Variants in ZNF382 observed in about 807,000 individuals in gnomAD.
The protein encoded by ZNF382 is KRAB/zinc finger suppressor protein 1.
Under a neutral mutation model 38.8 loss-of-function variants are expected in ZNF382, and 20 were observed. The ratio of observed to expected loss-of-function variants is 0.51; its 90% confidence interval spans 0.36 to 0.75. The LOEUF (loss-of-function observed/expected upper bound fraction) is 0.75. Ranked by LOEUF, ZNF382 falls within the 30% of genes least tolerant of loss-of-function variation. ZNF382 has a pLI of 0.00. For synonymous variants in ZNF382, 202 were observed against 223.1 expected, an observed-to-expected ratio of 0.91 and a Z score of 0.84; for missense variants, 546 against 654.1, an observed-to-expected ratio of 0.83 and a Z score of 1.80.
At chr19:36,612,647 T>G (rs2037087476) in intron 4 of ZNF382, among the ~76,000 whole-genome samples, 1 of 152,204 alleles carries the variant, frequency 6.6e-6, no homozygotes, top group Non-Finnish European at 1.5e-5. Context: ...TTTTGTCCAT[T>G]CTGGTCATTT....
chr19:36,609,687 A>C, intron 2 of ZNF382: 1 of 400,250 alleles, frequency 2.5e-6, no homozygotes, highest in Non-Finnish European at 4.4e-6. Flanking sequence ...TCAGGGTTTT[A>C]TTCATTTTGG....
chr19:36,625,089 A>AATATATAT (rs371760229), intron 4 of ZNF382, among the ~76,000 whole-genome samples: 4,058 of 42,398 alleles, frequency 0.096, 349 homozygotes, highest in Non-Finnish European at 0.12. Flanking sequence ...AATGAATTTA[A>AATATATAT]ATATATATAT....
intron 4 of ZNF382, among the ~76,000 whole-genome samples, chr19:36,617,524 C>T: frequency 6.6e-6 from 1 of 152,250 alleles, no homozygotes; most frequent in East Asian, 1.9e-4. Flanking sequence ...GTCCAATAAT[C>T]AATCTGTTCC....
intron 4 of ZNF382, among the ~76,000 whole-genome samples, chr19:36,614,914 C>CCTTTCCGTTTCCCTTTCCCT (rs1555793084): frequency 2.9e-4 from 26 of 90,788 alleles, no homozygotes; most frequent in African/African-American, 5.1e-4. Context: ...CTTTCCTTTC[C>CCTTTCCGTTTCCCTTTCCCT]TTCCCTTTCC....
intron 1 of ZNF382, among the ~76,000 whole-genome samples, 178 bp from the exon 2 acceptor site, chr19:36,607,374 T>A (rs569447468): frequency 6.6e-6 from 1 of 152,300 alleles, no homozygotes; most frequent in Admixed American, 6.5e-5. Flanking sequence ...CTGGTGTTTG[T>A]GAGGGAGCCT....
intron 4 of ZNF382, among the ~76,000 whole-genome samples, chr19:36,612,037 A>G (rs564902341): frequency 1.3e-4 from 20 of 152,316 alleles, no homozygotes; most frequent in African/African-American, 4.8e-4. Flanking sequence ...ATAGAGATGT[A>G]AAGTGTAAAG....
chr19:36,618,746 T>G (rs949520218), intron 4 of ZNF382, among the ~76,000 whole-genome samples: 3 of 152,012 alleles, frequency 2.0e-5, no homozygotes, highest in African/African-American at 7.2e-5. Flanking sequence ...CTTACCAAAA[T>G]CTAGATGTCA....
intron 3 of ZNF382, chr19:36,610,392 GT>G (rs2037067449): frequency 2.6e-6 from 1 of 386,522 alleles, no homozygotes; most frequent in Non-Finnish European, 4.7e-6. Context: ...GGGAGACGAG[GT>G]TGCAGTGAGT....
intron 4 of ZNF382, among the ~76,000 whole-genome samples, chr19:36,617,613 A>G (rs572294427): frequency 6.6e-6 from 1 of 152,316 alleles, no homozygotes; most frequent in Non-Finnish European, 1.5e-5. Flanking sequence ...GGACTGCTAC[A>G]ATGGGGTTTT....
Position 36,621,324 on chromosome 19 carries a change from GTTTT to G in ZNF382, c.233-4787_233-4784del, listed in dbSNP as rs10557413. 7.4e-3 allele frequency among the ~76,000 whole-genome samples: 774 copies of G among 104,504 alleles called. 18 individuals are homozygous for G. Among genetic ancestry groups the G allele is most frequent in the Admixed American group, 0.051 (493 of 9,600 alleles). The allele number at this position is 104,504 out of a possible 152,430, so 68.6% of individuals were successfully genotyped here. On this transcript the variant is annotated intron_variant, in intron 4 of 4. Coordinates refer to ENST00000292928, the MANE Select transcript of ZNF382 (RefSeq NM_032825.5). ...TTGGATTTGCCATGATTTTTCCCTA[GTTTT>G]TTTTTTTTTTTTTTTTTTCCAGTTT...
chr19:36,625,050 A>G (rs538196553), intron 4 of ZNF382, among the ~76,000 whole-genome samples: 2 of 142,332 alleles, frequency 1.4e-5, no homozygotes, highest in Non-Finnish European at 3.0e-5. Flanking sequence ...CTTGGGGGAC[A>G]GAGCGAGACC....
chr19:36,614,631 T>C (rs573179188), intron 4 of ZNF382, among the ~76,000 whole-genome samples: 47 of 152,198 alleles, frequency 3.1e-4, no homozygotes, highest in African/African-American at 1.1e-3. Flanking sequence ...GATTCTATTG[T>C]ACATAGTAAG....
rs183250493 is a variant in ZNF382, at chr19:36,615,194, G to T, written c.232+4452G>T. Among the ~76,000 whole-genome samples, 867 of 151,776 alleles carry T rather than the reference G, an allele frequency of 5.7e-3. 11 individuals are homozygous for T. Among genetic ancestry groups the T allele is most frequent in the African/African-American group, 0.02 (831 of 41,388 alleles). On this transcript the variant is annotated intron_variant, in intron 4 of 4. Transcript: ENST00000292928. The stretch of plus-strand genomic sequence containing the variant: ...GTAGAGACTGAGTTTCACCATATTG[G>T]CCAGGCTGGTCTCGAACTCCTGACC...
At chr19:36,612,673 T>C (rs1256475446) in intron 4 of ZNF382, among the ~76,000 whole-genome samples, 1 of 152,248 alleles carries the variant, frequency 6.6e-6, no homozygotes, top group Non-Finnish European at 1.5e-5. Flanking sequence ...ATTCTGGTTG[T>C]ATAACTTCGC....
intron 4 of ZNF382, among the ~76,000 whole-genome samples, chr19:36,624,865 G>A (rs1227609849): frequency 3.3e-5 from 5 of 150,320 alleles, no homozygotes; most frequent in Non-Finnish European, 7.4e-5. Context: ...AGGAGTTCGC[G>A]ACCAGCCTGG....
Position 36,632,798 on chromosome 19 carries a change from T to G in ZNF382, c.*5248T>G, listed in dbSNP as rs2037261891. 1 of 152,202 alleles carries G rather than the reference T, an allele frequency of 6.6e-6. No homozygotes were observed. The highest frequency in any genetic ancestry group is 2.4e-5 in the African/African-American group (1 of 41,434). The allele number at this position is 152,202 out of a possible 1,614,324, so 9.4% of individuals were successfully genotyped here. ...GCTGTGTATTTCCTGATAATGTATG[T>G]GAACAAGCATATCTCCTCACCCTCT... On this transcript the variant is annotated 3_prime_UTR_variant, in exon 5 of 5. Coordinates refer to ENST00000292928, the MANE Select transcript of ZNF382 (RefSeq NM_032825.5).
intron 4 of ZNF382, among the ~76,000 whole-genome samples, chr19:36,613,828 A>G (rs1195895449): frequency 2.0e-5 from 3 of 152,082 alleles, no homozygotes; most frequent in Admixed American, 6.6e-5. Flanking sequence ...ATTCTTCTAT[A>G]TGGTTATCAA....
At chr19:36,606,525 T>C (rs1290672516) in intron 1 of ZNF382, among the ~76,000 whole-genome samples, 4 of 151,670 alleles carry the variant, frequency 2.6e-5, no homozygotes, top group Non-Finnish European at 5.9e-5. Flanking sequence ...TCGGCTAGTT[T>C]TTGTATTTTT....
chr19:36,606,608 GC>G (rs1256109653), intron 1 of ZNF382, among the ~76,000 whole-genome samples: 1 of 139,282 alleles, frequency 7.2e-6, no homozygotes, highest in African/African-American at 2.7e-5. Context: ...CCCTCCCCCC[GC>G]CCCCTCGGCC....
Sources: allele counts gnomAD v4.1 joint callset (sites outside exome capture counted in the v4.1 genomes callset), GRCh38; gene constraint gnomAD v4.1.1; transcripts MANE v1.5; gene names NCBI Gene and HGNC (gene_info 2026-07-23, HGNC 2026-07-21).